The following FANCC variants were observed in gnomAD, a reference collection of about 807,000 sequenced individuals.
The protein encoded by FANCC is FA complementation group C, also known as Fanconi anemia group C protein.
FANCC carries 55 observed loss-of-function variants against 71.3 expected under a neutral mutation model. That is an observed-to-expected ratio of 0.77 (90% CI 0.62 to 0.97). The LOEUF (loss-of-function observed/expected upper bound fraction) is 0.97, where lower values mean the gene tolerates loss of function less well. FANCC is among the 50% of genes least tolerant of loss of function. The pLI, the probability that FANCC is intolerant of heterozygous loss-of-function variation, is 0.00. For synonymous variants in FANCC, 275 were observed against 244.9 expected (o/e 1.12, Z -1.15); for missense variants, 678 against 670.9 (o/e 1.01, Z -0.12).
intron 8 of FANCC, among the ~76,000 whole-genome samples, chr9:95,134,842 G>A (rs1011138513): frequency 5.3e-5 from 8 of 152,250 alleles, no homozygotes; most frequent in East Asian, 1.9e-4. Context: ...AGGCGCCACC[G>A]CGCAGGGGAG....
rs1397340091 is a variant in FANCC, at chr9:95,240,755, A to G, written c.251-12T>C. 1 of 1,469,820 alleles carries G rather than the reference A, an allele frequency of 6.8e-7. No individual in the cohort carries two copies. The highest frequency in any genetic ancestry group is 9.5e-7 in the Non-Finnish European group (1 of 1,049,632). The allele number at this position is 1,469,820 out of a possible 1,614,324, so 91.0% of individuals were successfully genotyped here. On this transcript the variant is annotated splice_polypyrimidine_tract_variant and intron_variant, in intron 3 of 14. Coordinates refer to ENST00000289081, the MANE Select transcript of FANCC (RefSeq NM_000136.3). ...TTTTTGGCTTTCATCTACAAAAAGG[A>G]AAACTTAATAAGTTTTATCAAGCAG...
At chr9:95,228,474 C>A (rs541485395) in intron 4 of FANCC, among the ~76,000 whole-genome samples, 8 of 152,314 alleles carry the variant, frequency 5.3e-5, no homozygotes, top group Admixed American at 3.9e-4. Flanking sequence ...CATTTTGCCA[C>A]AAAAATTCCT....
At chr9:95,253,545 C>A (rs1427743411) in intron 1 of FANCC, among the ~76,000 whole-genome samples, 2 of 152,216 alleles carry the variant, frequency 1.3e-5, no homozygotes, top group Non-Finnish European at 2.9e-5. Context: ...AGGTAAAGTG[C>A]ATTTTTCTTC....
At chr9:95,110,815 A>G in intron 13 of FANCC, 1 of 1,142,362 alleles carries the variant, frequency 8.8e-7, no homozygotes, top group South Asian at 3.2e-5. Flanking sequence ...CCTTTAATCA[A>G]AGCATTGCTT....
intron 1 of FANCC, among the ~76,000 whole-genome samples, chr9:95,272,525 G>C (rs965891908): frequency 6.6e-6 from 1 of 151,950 alleles, no homozygotes; most frequent in Non-Finnish European, 1.5e-5. Flanking sequence ...GTGAAACCCT[G>C]TCACTACTAA....
At chr9:95,226,037 C>T (rs1442165512) in intron 4 of FANCC, among the ~76,000 whole-genome samples, 1 of 152,166 alleles carries the variant, frequency 6.6e-6, no homozygotes, top group Non-Finnish European at 1.5e-5. Context: ...TCCACATTTT[C>T]CAGAGCCCTG....
intron 7 of FANCC, among the ~76,000 whole-genome samples, chr9:95,149,320 A>T (rs1276728480): frequency 6.6e-6 from 1 of 152,158 alleles, no homozygotes; most frequent in Admixed American, 6.5e-5. Context: ...GGAGCAGAAA[A>T]GGTAACTACT....
chr9:95,271,216 GCC>G (rs951489149), intron 1 of FANCC, among the ~76,000 whole-genome samples: 9 of 152,304 alleles, frequency 5.9e-5, no homozygotes, highest in Admixed American at 5.2e-4. Flanking sequence ...AGAATTAGCA[GCC>G]CAAATGTCGG....
chr9:95,225,720 T>C (rs543229687), intron 4 of FANCC, among the ~76,000 whole-genome samples: 1 of 152,234 alleles, frequency 6.6e-6, no homozygotes, highest in South Asian at 2.1e-4. Context: ...AGAATTATAA[T>C]AAGCAGAACT....
chr9:95,226,541 G>C (rs1297820357), intron 4 of FANCC, among the ~76,000 whole-genome samples: 2 of 152,208 alleles, frequency 1.3e-5, no homozygotes, highest in African/African-American at 4.8e-5. Flanking sequence ...CAGCTGCTGG[G>C]ATGCGCTGTC....
chr9:95,247,314 T>C (rs1412149227), intron 3 of FANCC, 118 bp downstream of exon 3: 1 of 765,380 alleles, frequency 1.3e-6, no homozygotes, highest in African/African-American at 1.7e-5. Flanking sequence ...ATGAATACAT[T>C]TGATAAGTTG....
At chr9:95,109,009 G>C (rs200262330) in intron 13 of FANCC, among the ~76,000 whole-genome samples, 1 of 151,802 alleles carries the variant, frequency 6.6e-6, no homozygotes, top group African/African-American at 2.4e-5. Context: ...GAGCTCAAGC[G>C]ATCCTTCCAT....
chr9:95,296,269 T>C (rs1411955182), intron 1 of FANCC, among the ~76,000 whole-genome samples: 1 of 152,174 alleles, frequency 6.6e-6, no homozygotes. Context: ...GATCATGACC[T>C]AGACACACTA....
intron 8 of FANCC, among the ~76,000 whole-genome samples, chr9:95,129,813 G>A (rs1315289097): frequency 6.6e-6 from 1 of 152,254 alleles, no homozygotes; most frequent in Non-Finnish European, 1.5e-5. Flanking sequence ...TGCCCAGGAT[G>A]ACTAGGGAGC....
At chr9:95,107,725 G>C (rs559839589) in intron 13 of FANCC, among the ~76,000 whole-genome samples, 1 of 152,080 alleles carries the variant, frequency 6.6e-6, no homozygotes, top group Non-Finnish European at 1.5e-5. Context: ...GGGTCAGGGC[G>C]GGGGGTCGGG....
At chr9:95,126,487 CT>C (rs2134965206) in intron 9 of FANCC, 41 bp downstream of exon 9, 2 of 1,584,416 alleles carry the variant, frequency 1.3e-6, no homozygotes, top group Non-Finnish European at 1.7e-6. Flanking sequence ...GAAATGGAAC[CT>C]TTTTTACATC....
At chr9:95,238,221 T>C (rs1290025361) in intron 4 of FANCC, among the ~76,000 whole-genome samples, 1 of 152,160 alleles carries the variant, frequency 6.6e-6, no homozygotes, top group Non-Finnish European at 1.5e-5. Context: ...TTACCTCACC[T>C]AAGGCTTCCA....
At chr9:95,110,836 T>G in intron 13 of FANCC, 7 of 1,168,456 alleles carry the variant, frequency 6.0e-6, no homozygotes, top group Non-Finnish European at 6.4e-6. Flanking sequence ...CCTGTAATTA[T>G]TATATTCCAC....
At chr9:95,139,862 A>G (rs983059128) in intron 7 of FANCC, among the ~76,000 whole-genome samples, 1 of 147,484 alleles carries the variant, frequency 6.8e-6, no homozygotes, top group Non-Finnish European at 1.5e-5. Flanking sequence ...AAATATATAT[A>G]TTCATTCATT....
Sources: allele counts gnomAD v4.1 joint callset (sites outside exome capture counted in the v4.1 genomes callset), GRCh38; gene constraint gnomAD v4.1.1; transcripts MANE v1.5; gene names NCBI Gene and HGNC (gene_info 2026-07-23, HGNC 2026-07-21).